ZNF469: variants seen among roughly 807,000 people sequenced by gnomAD.
ZNF469 encodes the protein zinc finger protein 469.
A neutral mutation model predicts 1.0 loss-of-function variants in ZNF469; 1 was observed. The observed-to-expected ratio is 1.00, with a 90% CI of 0.35 to 4.73. The LOEUF is 4.73. Ranked by LOEUF, ZNF469 falls within the 30% of genes most tolerant of loss-of-function variation. The pLI, the probability that ZNF469 is intolerant of heterozygous loss-of-function variation, is 0.16. For missense variants in ZNF469, 6,100 were observed against 5,356.3 expected (o/e 1.14, Z -4.33); for synonymous variants, 2,703 against 2,363.4 (o/e 1.14, Z -4.17).
chr16:88,283,185 G>A, the ZNF469 span, among the ~76,000 whole-genome samples: 2 of 151,954 alleles, frequency 1.3e-5, no homozygotes, highest in Admixed American at 6.6e-5. Flanking sequence ...GGGAAGGAAC[G>A]TTTCTGGGGT....
the ZNF469 span, among the ~76,000 whole-genome samples, chr16:88,248,959 C>T: frequency 2.6e-5 from 4 of 152,294 alleles, no homozygotes; most frequent in Middle Eastern, 3.4e-3. Context: ...CCTCTCTGTC[C>T]ACCTTCCTCA....
chr16:88,340,388 G>A, the ZNF469 span, among the ~76,000 whole-genome samples: 276 of 152,294 alleles, frequency 1.8e-3, 2 homozygotes, highest in Admixed American at 4.6e-3. Flanking sequence ...GATGTCATGC[G>A]TCAGGTGACA....
At chr16:88,251,356 AT>A in the ZNF469 span, among the ~76,000 whole-genome samples, 692 of 152,204 alleles carry the variant, frequency 4.5e-3, 4 homozygotes, top group African/African-American at 0.016. Context: ...TGCATGTGTC[AT>A]GTCTACATGC....
the ZNF469 span, among the ~76,000 whole-genome samples, chr16:88,222,263 G>A: frequency 9.9e-5 from 15 of 152,200 alleles, no homozygotes; most frequent in African/African-American, 3.4e-4. Flanking sequence ...TCACAGCCTG[G>A]ATCAAAGTTG....
At chr16:88,349,151 C>T in the ZNF469 span, among the ~76,000 whole-genome samples, 2 of 152,178 alleles carry the variant, frequency 1.3e-5, no homozygotes, top group African/African-American at 4.8e-5. Context: ...CTCGTCCCCC[C>T]TCACCAGCAC....
At chr16:88,135,000 C>A in the ZNF469 span, among the ~76,000 whole-genome samples, 1 of 152,214 alleles carries the variant, frequency 6.6e-6, no homozygotes, top group African/African-American at 2.4e-5. Flanking sequence ...GCCGCTCCTC[C>A]CTGCAGGCAG....
chr16:88,224,734 T>C, the ZNF469 span, among the ~76,000 whole-genome samples: 8 of 151,996 alleles, frequency 5.3e-5, no homozygotes, highest in African/African-American at 1.9e-4. Flanking sequence ...TCTGTGTAAG[T>C]ACGTACATAT....
the ZNF469 span, among the ~76,000 whole-genome samples, chr16:88,113,561 AAC>A: frequency 6.6e-6 from 1 of 151,996 alleles, no homozygotes; most frequent in African/African-American, 2.4e-5. Flanking sequence ...CTCGGGGAGG[AAC>A]AGTTTACCTC....
the ZNF469 span, among the ~76,000 whole-genome samples, chr16:88,306,997 T>C: frequency 6.6e-6 from 1 of 152,192 alleles, no homozygotes; most frequent in Non-Finnish European, 1.5e-5. Context: ...ATCAGCTCCT[T>C]GTTCCTCCCC....
upstream of ZNF469, among the ~76,000 whole-genome samples, chr16:88,380,508 G>T (rs1295773935): frequency 0.022 from 1,608 of 74,122 alleles, 16 homozygotes; most frequent in Non-Finnish European, 0.028. Flanking sequence ...CACTCACACA[G>T]ACATGCACAC....
chr16:88,291,448 C>G, the ZNF469 span, among the ~76,000 whole-genome samples: 2 of 152,316 alleles, frequency 1.3e-5, no homozygotes, highest in African/African-American at 4.8e-5. Context: ...AACTTCTGTC[C>G]TTCGCCAAGT....
the ZNF469 span, among the ~76,000 whole-genome samples, chr16:88,292,997 T>C: frequency 6.6e-6 from 1 of 152,276 alleles, no homozygotes; most frequent in African/African-American, 2.4e-5. Context: ...CACAGAAAGA[T>C]TGAGATCAAT....
chr16:88,254,934 G>A, the ZNF469 span, among the ~76,000 whole-genome samples: 1 of 151,852 alleles, frequency 6.6e-6, no homozygotes, highest in Non-Finnish European at 1.5e-5. Flanking sequence ...TTGAGTGTTT[G>A]AATCCATGAA....
At chr16:88,258,923 G>T in the ZNF469 span, among the ~76,000 whole-genome samples, 1 of 152,202 alleles carries the variant, frequency 6.6e-6, no homozygotes, top group South Asian at 2.1e-4. Context: ...GGTGAGCCTG[G>T]ATTTGAACTG....
At chr16:88,189,405 C>T in the ZNF469 span, among the ~76,000 whole-genome samples, 2 of 152,202 alleles carry the variant, frequency 1.3e-5, no homozygotes, top group African/African-American at 2.4e-5. The surrounding 1 kb of genome is among the most constrained non-coding windows in gnomAD (Gnocchi z 4.3). Context: ...TGGGGTCTCT[C>T]ATGGTCTCTC....
At chr16:88,313,402 T>C in the ZNF469 span, among the ~76,000 whole-genome samples, 1 of 152,242 alleles carries the variant, frequency 6.6e-6, no homozygotes, top group African/African-American at 2.4e-5. Flanking sequence ...TCCAATTGCA[T>C]CCGCCCATCC....
rs1905856577 is a variant in ZNF469 at position 88,428,402 on chromosome 16, G to A, written c.932G>A (p.Gly311Glu). The A allele has an allele frequency of 1.9e-6, 3 of 1,548,318 alleles. No homozygotes were observed. Among genetic ancestry groups the A allele is most frequent in the African/African-American group, 2.7e-5 (2 of 73,154 alleles). ...GTGTTTGCCTTCCATCAGCCCCAGG[G>A]AGCGTGGCCGGAGGAGGCCGTGGGC... is the stretch of plus-strand genomic sequence containing the variant. ...PLVFAFHQPQ[G>E]AWPEEAVGTG... The change falls in exon 3 of 3, where the codon GGA becomes GAA. Residue 311 changes from glycine to glutamate, a missense_variant. Gly to Glu is a moderately conservative substitution (Grantham distance 98). Coordinates refer to ENST00000565624, the MANE Select transcript of ZNF469 (RefSeq NM_001367624.2).
At chr16:88,311,805 T>C in the ZNF469 span, among the ~76,000 whole-genome samples, 2 of 152,330 alleles carry the variant, frequency 1.3e-5, no homozygotes, top group East Asian at 1.9e-4. Flanking sequence ...CAAGGACATA[T>C]TGATTTGCAT....
chr16:88,111,514 C>T, the ZNF469 span, among the ~76,000 whole-genome samples: 3 of 19,578 alleles, frequency 1.5e-4, no homozygotes, highest in Non-Finnish European at 1.0e-3. Context: ...TTTTTGTACC[C>T]ATTAACATCC....
Sources: gnomAD v4.1 joint callset for allele counts (sites outside exome capture counted in the v4.1 genomes callset) on GRCh38, gnomAD v4.1.1 for gene constraint, Gnocchi (gnomAD v3.1) non-coding constraint, MANE v1.5 for transcripts, NCBI Gene and HGNC (gene_info 2026-07-23, HGNC 2026-07-21) for gene names.